The following HECW1 variants were observed in gnomAD, a reference collection of about 807,000 sequenced individuals.
HECW1 encodes the protein E3 ubiquitin-protein ligase HECW1.
Under a neutral mutation model 182.3 loss-of-function variants are expected in HECW1, and 61 were observed. The ratio of observed to expected loss-of-function variants is 0.33; its 90% CI spans 0.27 to 0.41. The LOEUF (loss-of-function observed/expected upper bound fraction) is 0.41, where lower values mean the gene tolerates loss of function less well. Ranked by LOEUF, HECW1 falls within the 10% of genes least tolerant of loss-of-function variation. HECW1 has a pLI of 1.00. For synonymous variants in HECW1, 859 were observed against 832.6 expected (o/e 1.03, Z -0.55); for missense variants, 1,739 against 2,108.9 (o/e 0.82, Z 3.44).
chr7:43,209,039 A>C (rs1795748660), intron 2 of HECW1, among the ~76,000 whole-genome samples: 1 of 152,076 alleles, frequency 6.6e-6, no homozygotes, highest in Non-Finnish European at 1.5e-5. Context: ...ATTACCTCTT[A>C]TTTAGCATTT....
chr7:43,167,816 C>G (rs1791276759), intron 2 of HECW1, among the ~76,000 whole-genome samples: 1 of 152,138 alleles, frequency 6.6e-6, no homozygotes, highest in Admixed American at 6.5e-5. Context: ...TTAAACAGTA[C>G]TATTATGATC....
chr7:43,314,600 T>C (rs1254410539), intron 4 of HECW1, among the ~76,000 whole-genome samples: 2 of 152,190 alleles, frequency 1.3e-5, no homozygotes, highest in African/African-American at 4.8e-5. Flanking sequence ...ACATGACATT[T>C]TGACTGAGAC....
At chr7:43,537,151 G>A (rs1005622344) in intron 24 of HECW1, among the ~76,000 whole-genome samples, 2 of 152,172 alleles carry the variant, frequency 1.3e-5, no homozygotes, top group African/African-American at 4.8e-5. Context: ...AAAGAAGTGA[G>A]CAAAGCCCTG....
intron 2 of HECW1, among the ~76,000 whole-genome samples, chr7:43,148,223 G>A (rs1788928259): frequency 6.6e-6 from 1 of 152,184 alleles, no homozygotes; most frequent in Non-Finnish European, 1.5e-5. Flanking sequence ...AAGAGTTCTG[G>A]AGCTGAAATG....
intron 2 of HECW1, among the ~76,000 whole-genome samples, chr7:43,134,831 G>T (rs1787349610): frequency 6.6e-6 from 1 of 152,162 alleles, no homozygotes; most frequent in Admixed American, 6.5e-5. Flanking sequence ...GGTGATCATG[G>T]AGAAGTCTGA....
intron 2 of HECW1, among the ~76,000 whole-genome samples, chr7:43,198,418 TACACTC>T (rs891101282): frequency 2.1e-5 from 3 of 142,802 alleles, no homozygotes; most frequent in African/African-American, 7.9e-5. Context: ...CATACTCTCT[TACACTC>T]ATACTCACAT....
intron 8 of HECW1, among the ~76,000 whole-genome samples, chr7:43,408,239 C>A (rs1040714360): frequency 6.6e-6 from 1 of 152,114 alleles, no homozygotes; most frequent in East Asian, 1.9e-4. Context: ...ATAATGAAGC[C>A]TAATGGTTTA....
At chr7:43,241,928 G>A (rs1458048961) in intron 2 of HECW1, among the ~76,000 whole-genome samples, 1 of 152,112 alleles carries the variant, frequency 6.6e-6, no homozygotes, top group Non-Finnish European at 1.5e-5. Flanking sequence ...GGGTGTGGAG[G>A]AAGAAGGGCT....
At chr7:43,135,045 A>G (rs561990936) in intron 2 of HECW1, among the ~76,000 whole-genome samples, 183 of 152,098 alleles carry the variant, frequency 1.2e-3, no homozygotes, top group Admixed American at 1.8e-3. Context: ...ATTTTTGTGT[A>G]TTGATTCTTC....
chr7:43,314,638 A>G (rs150718994), intron 4 of HECW1, among the ~76,000 whole-genome samples: 2 of 152,352 alleles, frequency 1.3e-5, no homozygotes, highest in East Asian at 3.9e-4. Context: ...ATCATCCTAG[A>G]ACCTTAATTT....
intron 2 of HECW1, among the ~76,000 whole-genome samples, chr7:43,141,209 C>T (rs573427902): frequency 6.6e-6 from 1 of 152,300 alleles, no homozygotes; most frequent in African/African-American, 2.4e-5. Flanking sequence ...CTGGCTATAA[C>T]ATTCTTTGCT....
chr7:43,375,347 C>G (rs1217198766), intron 6 of HECW1, among the ~76,000 whole-genome samples: 1 of 151,906 alleles, frequency 6.6e-6, no homozygotes, highest in South Asian at 2.1e-4. Context: ...TGTGACTATG[C>G]CAAATACAGA....
At chr7:43,407,031 C>A (rs995196582) in intron 7 of HECW1, among the ~76,000 whole-genome samples, 7 of 152,188 alleles carry the variant, frequency 4.6e-5, no homozygotes, top group African/African-American at 1.4e-4. Context: ...TTCTGTCTCT[C>A]TCTCCTTGTG....
intron 16 of HECW1, among the ~76,000 whole-genome samples, chr7:43,477,083 G>A (rs2078245127): frequency 6.6e-6 from 1 of 152,100 alleles, no homozygotes; most frequent in Admixed American, 6.5e-5. Flanking sequence ...ATTAGCCCAT[G>A]AGAAAATGTT....
At chr7:43,454,058 A>G (rs10232587) in intron 12 of HECW1, among the ~76,000 whole-genome samples, 86,370 of 152,094 alleles carry the variant, frequency 0.57, 25,314 homozygotes, top group South Asian at 0.72. Flanking sequence ...GGCTTACTAC[A>G]CTTTTCCATG....
At chr7:43,168,264 G>A (rs1791329440) in intron 2 of HECW1, among the ~76,000 whole-genome samples, 1 of 152,130 alleles carries the variant, frequency 6.6e-6, no homozygotes, top group Non-Finnish European at 1.5e-5. Context: ...CAGCCTGTGT[G>A]AGAGACAGAG....
chr7:43,525,403 A>T (rs1157287259), intron 24 of HECW1, among the ~76,000 whole-genome samples: 1 of 152,230 alleles, frequency 6.6e-6, no homozygotes, highest in Non-Finnish European at 1.5e-5. Context: ...AAAGCAAATT[A>T]TATGAAAGTA....
intron 3 of HECW1, among the ~76,000 whole-genome samples, chr7:43,292,383 C>G (rs1805500905): frequency 6.6e-6 from 1 of 152,228 alleles, no homozygotes; most frequent in Non-Finnish European, 1.5e-5. Context: ...AGCCCATGCT[C>G]TCTCCTCTGT....
chr7:43,452,631 A>T (rs6969909), intron 12 of HECW1, among the ~76,000 whole-genome samples: 5,047 of 152,340 alleles, frequency 0.033, 278 homozygotes, highest in African/African-American at 0.12. Flanking sequence ...TCCTGCCCTC[A>T]TGGAGCTTAC....
Sources: allele counts gnomAD v4.1 joint callset (sites outside exome capture counted in the v4.1 genomes callset), GRCh38; gene constraint gnomAD v4.1.1; transcripts MANE v1.5; gene names NCBI Gene and HGNC (gene_info 2026-07-23, HGNC 2026-07-21).